The following SMAP2 variants were observed in gnomAD, a reference collection of about 807,000 sequenced individuals.
The protein encoded by SMAP2 is stromal membrane-associated protein 2.
In SMAP2, 25 loss-of-function variants were observed where a neutral mutation model predicts 56.4. The ratio of observed to expected loss-of-function variants is 0.44; its 90% CI spans 0.32 to 0.62. The LOEUF (loss-of-function observed/expected upper bound fraction) is 0.62. Among genes scored for constraint, SMAP2 ranks in the 20% least tolerant of loss-of-function variants. The pLI is 0.04. For missense variants in SMAP2, 388 were observed against 545.6 expected, an observed-to-expected ratio of 0.71 and a Z score of 2.88; for synonymous variants, 157 against 181.7, an observed-to-expected ratio of 0.86 and a Z score of 1.09.
intron 4 of SMAP2, 93 bp downstream of exon 4, chr1:40,409,928 C>T: frequency 1.2e-6 from 1 of 838,170 alleles, no homozygotes; most frequent in Non-Finnish European, 2.0e-6. Flanking sequence ...TACCAAAACA[C>T]TCCAAAACCA....
At chr1:40,419,874 A>G (rs1049342764) in intron 9 of SMAP2, among the ~76,000 whole-genome samples, 2 of 152,212 alleles carry the variant, frequency 1.3e-5, no homozygotes, top group African/African-American at 4.8e-5. Flanking sequence ...TATCAGGGTT[A>G]TACTTATTTA....
chr1:40,347,245 G>T (rs7554888), intron 1 of SMAP2, among the ~76,000 whole-genome samples: 8,977 of 46,526 alleles, frequency 0.19, 1,093 homozygotes, highest in African/African-American at 0.49. Context: ...TGTGTGTTTT[G>T]TTTTTGTTTT....
intron 4 of SMAP2, among the ~76,000 whole-genome samples, chr1:40,410,259 A>C (rs1006860327): frequency 6.6e-6 from 1 of 152,072 alleles, no homozygotes; most frequent in African/African-American, 2.4e-5. Flanking sequence ...ATAAATTTTT[A>C]AGCAAAAGTA....
chr1:40,362,939 T>C (rs1644465365), intron 2 of SMAP2, among the ~76,000 whole-genome samples: 1 of 152,088 alleles, frequency 6.6e-6, no homozygotes, highest in Non-Finnish European at 1.5e-5. Flanking sequence ...CCAAGAATAA[T>C]GAAATTTATA....
chr1:40,404,515 T>C (rs1359240559), intron 1 of SMAP2, among the ~76,000 whole-genome samples: 3 of 152,166 alleles, frequency 2.0e-5, no homozygotes, highest in Non-Finnish European at 2.9e-5. Context: ...GCTTAGATGA[T>C]TGGGAATTGC....
intron 1 of SMAP2, among the ~76,000 whole-genome samples, chr1:40,400,009 G>GAGATGTTAC (rs1644816238): frequency 6.6e-6 from 1 of 152,218 alleles, no homozygotes; most frequent in Non-Finnish European, 1.5e-5. Context: ...AAGGGTAGAA[G>GAGATGTTAC]AGATGTTACA....
chr1:40,417,502 C>A (rs1217894975), intron 9 of SMAP2, among the ~76,000 whole-genome samples: 1 of 151,812 alleles, frequency 6.6e-6, no homozygotes, highest in African/African-American at 2.4e-5. Flanking sequence ...ACAGAGGAGA[C>A]TGTAAAAAGA....
chr1:40,416,065 A>G (rs1389195326), intron 7 of SMAP2, 111 bp from the exon 8 acceptor site: 2 of 998,020 alleles, frequency 2.0e-6, no homozygotes, highest in African/African-American at 3.3e-5. Context: ...TATTAACTTG[A>G]GCCATGAATT....
intron 6 of SMAP2, 28 bp downstream of exon 6, chr1:40,414,268 G>A (rs761152079): frequency 6.9e-6 from 11 of 1,605,486 alleles, no homozygotes; most frequent in Non-Finnish European, 9.4e-6. Context: ...CAGCTTCCAT[G>A]TTCTTACAAA....
At chr1:40,402,995 A>G (rs1414741758) in intron 1 of SMAP2, among the ~76,000 whole-genome samples, 2 of 152,116 alleles carry the variant, frequency 1.3e-5, no homozygotes, top group Non-Finnish European at 2.9e-5. Context: ...ATGCAAGCAC[A>G]AGGGCAGGGT....
intron 1 of SMAP2, among the ~76,000 whole-genome samples, chr1:40,377,473 C>T (rs982651166): frequency 5.9e-5 from 9 of 152,284 alleles, no homozygotes; most frequent in African/African-American, 2.2e-4. Context: ...TGCTTTGGGG[C>T]TGCCTATTTA....
At chr1:40,360,228 G>A (rs1011702102) in intron 1 of SMAP2, among the ~76,000 whole-genome samples, 3 of 150,526 alleles carry the variant, frequency 2.0e-5, no homozygotes, top group Non-Finnish European at 4.4e-5. Flanking sequence ...GGATGGTCTC[G>A]ATCTCCTGAC....
intron 2 of SMAP2, among the ~76,000 whole-genome samples, chr1:40,407,206 C>T (rs926097737): frequency 5.3e-5 from 8 of 152,104 alleles, no homozygotes; most frequent in Admixed American, 3.3e-4. Context: ...CACTTTTGGT[C>T]GGGCACGGTG....
intron 1 of SMAP2, among the ~76,000 whole-genome samples, chr1:40,350,735 C>G (rs1200049705): frequency 6.6e-6 from 1 of 152,158 alleles, no homozygotes; most frequent in Admixed American, 6.6e-5. Flanking sequence ...TATGTGGCAC[C>G]TAAAGGCTTC....
chr1:40,347,198 C>T lies in SMAP2; in HGVS notation c.-83+2288C>T, dbSNP rs138756804. 8.7e-5 allele frequency among the ~76,000 whole-genome samples: 13 copies of T among 149,880 alleles called. No homozygotes were observed. The East Asian group carries it at 2.2e-3, about 25-fold the overall frequency. On this transcript the variant is annotated intron_variant, in intron 1 of 6. Coordinates refer to the SMAP2 transcript ENST00000435168. ...AGCTGGGACCACAGGTGCACCACCA[C>T]GCCTGGCTAATTTGTGTGTGTGTGT...
chr1:40,394,317 C>T (rs541799331), intron 1 of SMAP2, among the ~76,000 whole-genome samples: 3 of 152,242 alleles, frequency 2.0e-5, no homozygotes, highest in Admixed American at 1.3e-4. Context: ...GAAGGTTAGC[C>T]ATCATCAGTT....
intron 1 of SMAP2, among the ~76,000 whole-genome samples, chr1:40,399,997 G>GA (rs1644816079): frequency 6.6e-6 from 1 of 152,184 alleles, no homozygotes; most frequent in African/African-American, 2.4e-5. Flanking sequence ...AAAACCAAAA[G>GA]AAAGGGTAGA....
At chr1:40,387,143 A>T (rs59453277) in intron 1 of SMAP2, among the ~76,000 whole-genome samples, 3,699 of 152,282 alleles carry the variant, frequency 0.024, 60 homozygotes, top group African/African-American at 0.043. Context: ...ATCAACCACC[A>T]TGCCCGGCCT....
intron 2 of SMAP2, 147 bp downstream of exon 2, chr1:40,407,016 G>A (rs1235288931): frequency 1.5e-5 from 12 of 777,858 alleles, no homozygotes; most frequent in Non-Finnish European, 2.3e-5. Context: ...TACCCTAACA[G>A]AAATTTTTAT....
Sources: gnomAD v4.1 joint callset for allele counts (sites outside exome capture counted in the v4.1 genomes callset) on GRCh38, gnomAD v4.1.1 for gene constraint, MANE v1.5 for transcripts, NCBI Gene and HGNC (gene_info 2026-07-23, HGNC 2026-07-21) for gene names.